CA10: variants seen among roughly 807,000 people sequenced by gnomAD.
CA10 encodes the protein carbonic anhydrase 10 (inactive).
A neutral mutation model predicts 44.2 loss-of-function variants in CA10; 14 were observed. The ratio of observed to expected loss-of-function variants is 0.32; its 90% confidence interval spans 0.21 to 0.50. The LOEUF is 0.50. Ranked by LOEUF, CA10 falls within the 20% of genes least tolerant of loss-of-function variation. The pLI, the probability that CA10 is intolerant of heterozygous loss-of-function variation, is 0.99. For missense variants in CA10, 350 were observed against 409.7 expected (o/e 0.85, Z 1.26); for synonymous variants, 159 against 141.6 (o/e 1.12, Z -0.87).
intron 6 of CA10, among the ~76,000 whole-genome samples, chr17:51,648,296 T>C (rs1913420597): frequency 6.6e-6 from 1 of 152,164 alleles, no homozygotes; most frequent in Admixed American, 6.5e-5. Context: ...GTTTTTCACT[T>C]TTGTGAGAAT....
intron 2 of CA10, among the ~76,000 whole-genome samples, chr17:51,940,595 G>A (rs559211894): frequency 1.4e-4 from 21 of 151,574 alleles, no homozygotes; most frequent in African/African-American, 4.6e-4. Flanking sequence ...CACCTTGGAA[G>A]TAGACTTTAT....
chr17:52,025,240 A>G (rs901596065), intron 2 of CA10, among the ~76,000 whole-genome samples: 11 of 152,146 alleles, frequency 7.2e-5, no homozygotes, highest in Non-Finnish European at 1.5e-5. Context: ...GCTGAGTTCT[A>G]TATCAGGGCA....
In CA10 at chr17:51,630,643, T is replaced by G. The variant is rs1567780405; in HGVS notation, c.*941A>C. ...AAATGCATTCCTGATTGCCACAAACTCAGTAAAAACTGGCTGCAAATGAAC... is the reference window on the plus strand; with the variant it reads ...AAATGCATTCCTGATTGCCACAAACGCAGTAAAAACTGGCTGCAAATGAAC... On this transcript the variant is annotated 3_prime_UTR_variant, in exon 9 of 9. Transcript: ENST00000451037. 1 of 152,506 alleles carries G rather than the reference T, an allele frequency of 6.6e-6. No homozygotes were observed. The highest frequency in any genetic ancestry group is 6.5e-5 in the Admixed American group (1 of 15,278). 9.4% of individuals were successfully genotyped at this position (152,506 alleles called of 1,614,324 possible). A position where few individuals can be genotyped will look rare whatever the true frequency, so the allele number is the denominator to read the frequency against.
intron 2 of CA10, among the ~76,000 whole-genome samples, chr17:52,051,467 TGAA>T (rs1987070423): frequency 6.7e-6 from 1 of 149,714 alleles, no homozygotes; most frequent in Non-Finnish European, 1.5e-5. Flanking sequence ...AAAAACTCCA[TGAA>T]GAAGCGGGCA....
At chr17:51,821,728 A>T (rs915609850) in intron 3 of CA10, among the ~76,000 whole-genome samples, 1 of 152,002 alleles carries the variant, frequency 6.6e-6, no homozygotes, top group African/African-American at 2.4e-5. Flanking sequence ...CTGGTCCTGG[A>T]TACTCTCTGC....
chr17:51,764,903 G>C (rs748714933), intron 3 of CA10, among the ~76,000 whole-genome samples: 4 of 152,178 alleles, frequency 2.6e-5, no homozygotes, highest in Non-Finnish European at 5.9e-5. Context: ...ATAAAGGCAG[G>C]CTTACTGTGA....
intron 1 of CA10, among the ~76,000 whole-genome samples, chr17:52,082,714 G>A (rs1988015625): frequency 6.6e-6 from 1 of 152,108 alleles, no homozygotes; most frequent in East Asian, 1.9e-4. Flanking sequence ...AATTCTGGTG[G>A]TACTTTCAGG....
At chr17:51,976,612 G>T (rs1171498723) in intron 2 of CA10, among the ~76,000 whole-genome samples, 1 of 151,820 alleles carries the variant, frequency 6.6e-6, no homozygotes, top group Non-Finnish European at 1.5e-5. Context: ...AGTTCGTCTG[G>T]GGGAAATTTA....
chr17:51,799,428 T>C (rs1211996241), intron 3 of CA10, among the ~76,000 whole-genome samples: 1 of 152,192 alleles, frequency 6.6e-6, no homozygotes, highest in Non-Finnish European at 1.5e-5. Flanking sequence ...TTACTGGCTG[T>C]TGGCTGATCT....
At chr17:52,089,597 G>GC (rs1023966106) in intron 1 of CA10, among the ~76,000 whole-genome samples, 10 of 146,454 alleles carry the variant, frequency 6.8e-5, no homozygotes, top group Admixed American at 5.5e-4. Context: ...TATTTATACT[G>GC]TTTTTTTTTT....
At chr17:51,641,305 T>C (rs1357209275) in intron 6 of CA10, among the ~76,000 whole-genome samples, 1 of 152,140 alleles carries the variant, frequency 6.6e-6, no homozygotes, top group African/African-American at 2.4e-5. Context: ...AGCAACTCAT[T>C]CTTCCTTCAT....
chr17:51,950,472 G>T (rs531175799), intron 2 of CA10, among the ~76,000 whole-genome samples: 14 of 152,120 alleles, frequency 9.2e-5, no homozygotes, highest in Admixed American at 9.2e-4. Context: ...ATGCCTGGAC[G>T]TTTATTCCAT....
At chr17:51,939,610 T>C (rs911702595) in intron 2 of CA10, among the ~76,000 whole-genome samples, 6 of 152,122 alleles carry the variant, frequency 3.9e-5, no homozygotes, top group African/African-American at 1.4e-4. Context: ...TTTAGCAATC[T>C]ACAGGAAGAA....
chr17:51,744,670 A>G (rs1386444608), intron 4 of CA10, among the ~76,000 whole-genome samples: 1 of 152,214 alleles, frequency 6.6e-6, no homozygotes, highest in Non-Finnish European at 1.5e-5. Flanking sequence ...CACAATTTTC[A>G]GAGGCAAACT....
At chr17:52,150,706 C>T (rs920603049) in intron 1 of CA10, among the ~76,000 whole-genome samples, 16 of 152,138 alleles carry the variant, frequency 1.1e-4, no homozygotes, top group African/African-American at 3.4e-4. Context: ...GTACTTTGAG[C>T]ATCTGTTTTA....
intron 3 of CA10, among the ~76,000 whole-genome samples, chr17:51,831,732 G>GCAGCAGCAGCAGCAGCAGCAGCAGC (rs1567854679): frequency 9.7e-4 from 141 of 145,776 alleles, no homozygotes; most frequent in South Asian, 2.6e-3. Context: ...AGCAGCAGCA[G>GCAGCAGCAGCAGCAGCAGCAGCAGC]AAAAAGACCT....
At chr17:51,755,039 T>G (rs890763446) in intron 3 of CA10, among the ~76,000 whole-genome samples, 1 of 152,088 alleles carries the variant, frequency 6.6e-6, no homozygotes, top group Non-Finnish European at 1.5e-5. Context: ...CTACATCACA[T>G]AATTTTAAAA....
At chr17:51,733,259 C>T (rs757143815) in intron 4 of CA10, among the ~76,000 whole-genome samples, 49 of 152,130 alleles carry the variant, frequency 3.2e-4, no homozygotes, top group Non-Finnish European at 6.6e-4. Context: ...CCTGGTCCTC[C>T]CCAAATTGCC....
chr17:52,059,659 C>T (rs575080267), intron 2 of CA10, among the ~76,000 whole-genome samples: 54 of 139,422 alleles, frequency 3.9e-4, no homozygotes, highest in African/African-American at 1.3e-3. Context: ...TACCCTAGAA[C>T]TTAAAGTATA....
Sources: gnomAD v4.1 joint callset for allele counts (sites outside exome capture counted in the v4.1 genomes callset) on GRCh38, gnomAD v4.1.1 for gene constraint, MANE v1.5 for transcripts, NCBI Gene and HGNC (gene_info 2026-07-23, HGNC 2026-07-21) for gene names.